The following TLCD4 variants were observed in gnomAD, a reference collection of about 807,000 sequenced individuals.
TLCD4 encodes the protein TLC domain containing 4.
A neutral mutation model predicts 24.2 loss-of-function variants in TLCD4; 7 were observed. That is an observed-to-expected ratio of 0.29 (90% CI 0.16 to 0.54). TLCD4 has a LOEUF of 0.54. Ranked by LOEUF, TLCD4 falls within the 20% of genes least tolerant of loss-of-function variation. TLCD4 has a pLI of 0.95. For synonymous variants in TLCD4, 103 were observed against 106.4 expected (o/e 0.97, Z 0.20); for missense variants, 259 against 313.9 (o/e 0.82, Z 1.32).
In TLCD4 at chr1:95,191,591, C is replaced by G; in HGVS notation, c.515C>G (p.Ala172Gly). The change falls in exon 7 of 7, where the codon GCT becomes GGT. Residue 172 changes from alanine (A) to glycine (G), a missense_variant. Coordinates refer to ENST00000370203, the MANE Select transcript of TLCD4 (RefSeq NM_152487.3). ...EALKYPKFSK[A>G]IVINGILMTV... ...CTGAAGTATCCCAAGTTTTCTAAAG[C>G]TATCGTTATCAATGGAATACTCATG... is the stretch of plus-strand genomic sequence containing the variant. The G allele has an allele frequency of 6.2e-7, 1 of 1,613,608 alleles. No individual in the cohort carries two copies. The highest frequency in any genetic ancestry group is 1.7e-5 in the Admixed American group (1 of 59,948).
intron 1 of TLCD4, among the ~76,000 whole-genome samples, chr1:95,118,405 A>G (rs1214338951): frequency 1.3e-5 from 2 of 152,150 alleles, no homozygotes; most frequent in African/African-American, 2.4e-5. Flanking sequence ...GCTGGTCTGT[A>G]TATTTTTAAT....
At chr1:95,165,449 G>A (rs1336124969) in intron 5 of TLCD4, among the ~76,000 whole-genome samples, 1 of 148,112 alleles carries the variant, frequency 6.8e-6, no homozygotes, top group Non-Finnish European at 1.5e-5. Context: ...TGGGCAAATA[G>A]TATGTGTGTG....
chr1:95,121,878 A>G (rs1356653727), intron 1 of TLCD4, among the ~76,000 whole-genome samples: 1 of 152,270 alleles, frequency 6.6e-6, no homozygotes, highest in Non-Finnish European at 1.5e-5. Flanking sequence ...TTTGGGGGTC[A>G]TCTAAACAGC....
chr1:95,113,183 C>G (rs183257795), upstream of TLCD4, among the ~76,000 whole-genome samples: 4 of 151,800 alleles, frequency 2.6e-5, no homozygotes, highest in Admixed American at 1.3e-4. Flanking sequence ...GCTGGGATTA[C>G]AGGCGTGCGC....
chr1:95,109,912 CATAT>C, the TLCD4 span, among the ~76,000 whole-genome samples: 10,731 of 79,830 alleles, frequency 0.13, 930 homozygotes, highest in Admixed American at 0.17. Context: ...TGTGTGTATG[CATAT>C]ATATATATAT....
intron 1 of TLCD4, among the ~76,000 whole-genome samples, chr1:95,132,450 C>A (rs1170663424): frequency 1.1e-5 from 1 of 94,152 alleles, no homozygotes; most frequent in African/African-American, 4.2e-5. Flanking sequence ...GAGTGAGACT[C>A]CAACTCAAAA....
intron 5 of TLCD4, among the ~76,000 whole-genome samples, chr1:95,160,934 G>A (rs1226266545): frequency 1.3e-5 from 2 of 152,160 alleles, no homozygotes; most frequent in Non-Finnish European, 2.9e-5. Flanking sequence ...TTGCATCAAT[G>A]TTCATGAAGG....
At chr1:95,103,772 C>T in the TLCD4 span, among the ~76,000 whole-genome samples, 4 of 152,248 alleles carry the variant, frequency 2.6e-5, no homozygotes, top group Admixed American at 2.0e-4. Context: ...ATGTCTTGTA[C>T]GACTAGCAAT....
chr1:95,121,705 A>G (rs1676576375), intron 1 of TLCD4, among the ~76,000 whole-genome samples: 2 of 152,186 alleles, frequency 1.3e-5, no homozygotes, highest in African/African-American at 2.4e-5. Flanking sequence ...CCTGGCCTCA[A>G]GTGATCCGCC....
At position 95,141,859 on chromosome 1, in the gene TLCD4, G is replaced by A. The variant is rs568897588; in HGVS notation, c.-11-2032G>A. 2.9e-5 allele frequency among the ~76,000 whole-genome samples: 4 copies of A among 139,746 alleles called. No individual in the cohort carries two copies. In the South Asian group the frequency reaches 9.3e-4, roughly 32 times the overall value. 91.7% of individuals were successfully genotyped at this position (139,746 alleles called of 152,430 possible). A position where few individuals can be genotyped will look rare whatever the true frequency, so the allele number is the denominator to read the frequency against. On this transcript the variant is annotated intron_variant, in intron 1 of 6. Coordinates refer to ENST00000370203, the MANE Select transcript of TLCD4 (RefSeq NM_152487.3). Reference sequence around the variant, plus strand: ...AAGAATGAGGAAAGAATTCATTATAGACATATGAATTCTGATGGAAGGGGC... The same window carrying A: ...AAGAATGAGGAAAGAATTCATTATAAACATATGAATTCTGATGGAAGGGGC...
intron 6 of TLCD4, among the ~76,000 whole-genome samples, chr1:95,174,606 T>C (rs1678357640): frequency 1.3e-5 from 2 of 152,046 alleles, no homozygotes; most frequent in South Asian, 4.2e-4. Context: ...AAGGATTGCA[T>C]GAGTCCAAGA....
chr1:95,134,112 C>T (rs762468300), intron 1 of TLCD4, among the ~76,000 whole-genome samples: 2 of 151,936 alleles, frequency 1.3e-5, no homozygotes, highest in South Asian at 2.1e-4. Context: ...AGGCAGAAAA[C>T]GATGTATAGG....
At chr1:95,126,603 T>G (rs1676742947) in intron 1 of TLCD4, among the ~76,000 whole-genome samples, 1 of 152,190 alleles carries the variant, frequency 6.6e-6, no homozygotes, top group Non-Finnish European at 1.5e-5. Context: ...ACAGGTTCAC[T>G]CAAGTGGGTG....
At chr1:95,138,159 C>A (rs368636775) in intron 1 of TLCD4, 7 of 152,090 alleles carry the variant, frequency 4.6e-5, no homozygotes, top group African/African-American at 1.7e-4. Context: ...GGTATTTATT[C>A]CTTGGAAAGC....
intron 5 of TLCD4, chr1:95,164,918 T>C (rs1465031604): frequency 6.6e-6 from 1 of 152,178 alleles, no homozygotes; most frequent in Non-Finnish European, 1.5e-5. Context: ...TGCCTTCCTT[T>C]TTTCCCCCCA....
intron 1 of TLCD4, among the ~76,000 whole-genome samples, chr1:95,126,312 C>T (rs1304786066): frequency 1.3e-5 from 2 of 151,516 alleles, no homozygotes; most frequent in Admixed American, 1.3e-4. Flanking sequence ...CCTGTAGTTC[C>T]AGCTGCTTGG....
chr1:95,146,276 C>T (rs755637925), intron 2 of TLCD4, among the ~76,000 whole-genome samples: 7 of 152,016 alleles, frequency 4.6e-5, no homozygotes, highest in Non-Finnish European at 8.8e-5. Flanking sequence ...AACGTGTATA[C>T]TTACAGGTGC....
chr1:95,099,700 C>T, the TLCD4 span, among the ~76,000 whole-genome samples: 1 of 152,100 alleles, frequency 6.6e-6, no homozygotes, highest in Non-Finnish European at 1.5e-5. Flanking sequence ...ATGATGACAA[C>T]AATGATGTAA....
rs377506697 is a variant in TLCD4 at position 95,152,364 on chromosome 1, T to C, written c.399+945T>C. Among the ~76,000 whole-genome samples the C allele has an allele frequency of 1.7e-3, 262 of 152,026 alleles. 16 individuals carry two copies. The South Asian group carries it at 0.051, about 29-fold the overall frequency. On this transcript the variant is annotated intron_variant, in intron 5 of 6. Coordinates refer to ENST00000370203, the MANE Select transcript of TLCD4 (RefSeq NM_152487.3). The stretch of plus-strand genomic sequence containing the variant: ...AATAATAATTATAATTTTGGGGGGG[T>C]AAATGATCATGAAATTCTTATCACT...
Sources: gnomAD v4.1 joint callset for allele counts (sites outside exome capture counted in the v4.1 genomes callset) on GRCh38, gnomAD v4.1.1 for gene constraint, MANE v1.5 for transcripts, NCBI Gene and HGNC (gene_info 2026-07-23, HGNC 2026-07-21) for gene names.